Variants in CACNG6 observed in about 807,000 individuals in gnomAD.
CACNG6 encodes voltage-dependent calcium channel gamma-6 subunit.
CACNG6 carries 21 observed loss-of-function variants against 23.9 expected under a neutral mutation model. The ratio of observed to expected loss-of-function variants is 0.88; its 90% CI spans 0.62 to 1.26. The LOEUF is 1.26. Ranked by LOEUF, CACNG6 falls within the 50% of genes most tolerant of loss-of-function variation. The pLI is 0.00. For missense variants in CACNG6, 340 were observed against 352.9 expected (o/e 0.96, Z 0.29); for synonymous variants, 182 against 168.9 (o/e 1.08, Z -0.60).
At chr19:53,999,555 G>T in intron 2 of CACNG6, 79 bp from the exon 3 acceptor site, 1 of 1,507,356 alleles carries the variant, frequency 6.6e-7, no homozygotes. Flanking sequence ...CATCTTCCTG[G>T]TTCTGGGTTC....
At chr19:54,007,706 G>A (rs1172590912) in intron 3 of CACNG6, among the ~76,000 whole-genome samples, 2 of 151,754 alleles carry the variant, frequency 1.3e-5, no homozygotes, top group South Asian at 2.1e-4. Context: ...AGACCAGCCC[G>A]GGGCAATGTA....
chr19:54,011,451 A>ACC (rs1568820554), intron 3 of CACNG6, among the ~76,000 whole-genome samples: 1 of 139,776 alleles, frequency 7.2e-6, no homozygotes, highest in African/African-American at 2.7e-5. Context: ...AAAAAAAAAA[A>ACC]AACAAAACAA....
chr19:53,999,310 G>A (rs906106440), intron 2 of CACNG6, among the ~76,000 whole-genome samples: 3 of 152,048 alleles, frequency 2.0e-5, no homozygotes, highest in Non-Finnish European at 2.9e-5. Context: ...CTTTGCCATC[G>A]TCTCCCACAC....
At position 54,002,275 on chromosome 19, in the gene CACNG6, G is replaced by GTTTTTTTTTTTTTTTT. The variant is rs1174799698; in HGVS notation, c.544+2512_544+2513insTTTTTTTTTTTTTTTT. Among the ~76,000 whole-genome samples, 11 of 116,436 alleles carry GTTTTTTTTTTTTTTTT rather than the reference G, an allele frequency of 9.4e-5. 1 individual carries two copies. Among genetic ancestry groups the GTTTTTTTTTTTTTTTT allele is most frequent in the African/African-American group, 2.8e-4 (6 of 21,546 alleles). 76.4% of individuals were successfully genotyped at this position (116,436 alleles called of 152,430 possible). On this transcript the variant is annotated intron_variant, in intron 3 of 3. Transcript: ENST00000252729. ...AGCCCGGCTAATTTTCGGTTTTTTT[G>GTTTTTTTTTTTTTTTT]TTTTTTTTGTTTTTTTTTTTTTTGT...
chr19:54,006,459 C>T (rs2069645744), intron 3 of CACNG6, among the ~76,000 whole-genome samples: 1 of 151,644 alleles, frequency 6.6e-6, no homozygotes, highest in Non-Finnish European at 1.5e-5. Flanking sequence ...GCCAACTTAT[C>T]CCTGTATCTT....
In CACNG6 at chr19:53,992,973, G is replaced by A. The variant is rs1267695810; in HGVS notation, c.96G>A (p.Thr32=). 1.4e-6 allele frequency: 2 copies of A among 1,432,788 alleles called. No individual in the cohort carries two copies. Among genetic ancestry groups the A allele is most frequent in the South Asian group, 1.5e-5 (1 of 66,176 alleles). 88.8% of individuals were successfully genotyped at this position (1,432,788 alleles called of 1,614,324 possible). A position where few individuals can be genotyped will look rare whatever the true frequency, so the allele number is the denominator to read the frequency against. The part of the protein sequence containing the change: ...RAHGQGRSGL[T]PEREGKVKLA... ...ACGGGCAGGGCAGGTCGGGGCTGAC[G>A]CCCGAGCGCGAGGGGAAGGTGAAGC... The change falls in exon 1 of 4, where the codon ACG becomes ACA. Residue 32 remains threonine, a synonymous_variant. Coordinates refer to ENST00000252729, the MANE Select transcript of CACNG6 (RefSeq NM_145814.2). The surrounding 1 kb of genome is among the most constrained non-coding windows in gnomAD (Gnocchi z 4.1).
At chr19:53,997,972 A>C (rs757602492) in intron 1 of CACNG6, among the ~76,000 whole-genome samples, 1 of 152,180 alleles carries the variant, frequency 6.6e-6, no homozygotes, top group Non-Finnish European at 1.5e-5. Flanking sequence ...CTCGTTTTAA[A>C]GAGGAGGAAC....
chr19:54,010,178 G>A (rs1450078086), intron 3 of CACNG6, among the ~76,000 whole-genome samples: 1 of 150,874 alleles, frequency 6.6e-6, no homozygotes, highest in Non-Finnish European at 1.5e-5. Context: ...ACACCACCAC[G>A]CCCAGCTAAT....
upstream of CACNG6, among the ~76,000 whole-genome samples, chr19:53,991,431 T>C (rs2069457200): frequency 1.3e-5 from 2 of 151,256 alleles, no homozygotes; most frequent in Admixed American, 6.6e-5. Context: ...GAAATGAAAG[T>C]CCCATCAGGC....
intron 3 of CACNG6, among the ~76,000 whole-genome samples, chr19:54,007,480 C>G (rs759718928): frequency 6.6e-6 from 1 of 152,212 alleles, no homozygotes; most frequent in Non-Finnish European, 1.5e-5. Flanking sequence ...TGATAATTGT[C>G]CATCTCTCCT....
chr19:54,010,405 C>T (rs112094878), intron 3 of CACNG6, among the ~76,000 whole-genome samples: 25 of 152,084 alleles, frequency 1.6e-4, no homozygotes, highest in African/African-American at 5.8e-4. Flanking sequence ...TCGCTTCAGT[C>T]TCCCAAAGTG....
rs769213773 is a variant in CACNG6 at position 54,011,974 on chromosome 19, G to C, written c.568G>C (p.Glu190Gln). Residue 190 changes from glutamate to glutamine, a missense_variant, in exon 4 of 4, where the codon GAG (glutamate) becomes CAG (glutamine). Transcript: ENST00000252729. ...LSGLLLLVSL[E>Q]VFRHSVRALL... ...AGGCCTGCTGCTCTTGGTGAGCCTG[G>C]AGGTGTTCCGGCATTCCGTGAGGGC... The C allele has an allele frequency of 3.2e-6, 5 of 1,580,966 alleles. No homozygotes were observed. In the South Asian group the frequency reaches 5.8e-5, roughly 18 times the overall value.
rs1324913414 is a variant in CACNG6 at position 53,992,174 on chromosome 19, C to T, written c.-704C>T. The T allele has an allele frequency of 1.3e-5, 2 of 152,316 alleles. No homozygotes were observed. Among genetic ancestry groups the T allele is most frequent in the Non-Finnish European group, 2.9e-5 (2 of 68,142 alleles). The allele number at this position is 152,316 out of a possible 1,614,324, so 9.4% of individuals were successfully genotyped here. A position where few individuals can be genotyped will look rare whatever the true frequency, so the allele number is the denominator to read the frequency against. On this transcript the variant is annotated 5_prime_UTR_variant, in exon 1 of 4. Transcript: ENST00000252729. The surrounding 1 kb of genome is among the most constrained non-coding windows in gnomAD (Gnocchi z 4.1). ...CCCCAGCCAGGGCTCTGTTCTTCTC[C>T]TTCTGTGGATGCCGGGGTCCTACTG...
Position 54,012,051 on chromosome 19 carries a change from C to A in CACNG6, c.645C>A (p.Tyr215Ter), listed in dbSNP as rs936337599. The A allele has an allele frequency of 1.9e-6, 3 of 1,607,192 alleles. No homozygotes were observed. Among genetic ancestry groups the A allele is most frequent in the Non-Finnish European group, 2.5e-6 (3 of 1,177,428 alleles). ...CTCCCCCGGCCCCACGCCTCACCTA[C>A]GAGTACTCCTGGTCCCTGGGCTGCG... ...PEPPPAPRLT[Y>*]EYSWSLGCGV... Residue 215 changes from tyrosine (Y) to a stop codon, truncating the protein, a stop_gained, in exon 4 of 4, where the codon TAC (tyrosine) becomes TAA (stop). Transcript: ENST00000252729. LOFTEE classifies it high-confidence loss of function.
chr19:53,999,870 C>T (rs868374151), intron 3 of CACNG6, 99 bp downstream of exon 3: 10 of 1,422,518 alleles, frequency 7.0e-6, no homozygotes, highest in Middle Eastern at 2.5e-4. Context: ...CACTGTTGCA[C>T]GCTCAGAGAT....
chr19:54,008,946 G>C (rs1345300690), intron 3 of CACNG6, among the ~76,000 whole-genome samples: 1 of 152,166 alleles, frequency 6.6e-6, no homozygotes, highest in Non-Finnish European at 1.5e-5. Flanking sequence ...AGATTTCTTC[G>C]AGTTGACGTT....
At chr19:54,010,146 G>A (rs1177003240) in intron 3 of CACNG6, among the ~76,000 whole-genome samples, 1 of 147,358 alleles carries the variant, frequency 6.8e-6, no homozygotes, top group African/African-American at 2.5e-5. Flanking sequence ...TCAGCCTCCC[G>A]AGTAGCTGGG....
chr19:53,993,357 C>T (rs2069486476), intron 1 of CACNG6, 149 bp downstream of exon 1: 2 of 764,730 alleles, frequency 2.6e-6, no homozygotes, highest in South Asian at 3.7e-5. Context: ...GTGCCCACTT[C>T]GTCCTCTGCT....
chr19:53,993,886 A>G lies in CACNG6; in HGVS notation c.331+678A>G, dbSNP rs376009841. Among the ~76,000 whole-genome samples, 7 of 151,422 alleles carry G rather than the reference A, an allele frequency of 4.6e-5. No homozygotes were observed. In the East Asian group the frequency reaches 9.7e-4, roughly 21 times the overall value. On this transcript the variant is annotated intron_variant, in intron 1 of 3. Coordinates refer to ENST00000252729, the MANE Select transcript of CACNG6 (RefSeq NM_145814.2). ...CCCAGGCATCGCTGTGTCCCCCCAG[A>G]CCAGCCTACAGCTCTAGAGAGAGCC...
Sources: allele counts gnomAD v4.1 joint callset (sites outside exome capture counted in the v4.1 genomes callset), GRCh38; gene constraint gnomAD v4.1.1; non-coding constraint Gnocchi (gnomAD v3.1); transcripts MANE v1.5; gene names NCBI Gene and HGNC (gene_info 2026-07-23, HGNC 2026-07-21).